Variants in TP53BP1 observed in about 807,000 individuals in gnomAD.
TP53BP1 encodes tumor protein p53 binding protein 1.
In TP53BP1, 61 loss-of-function variants were observed where a neutral mutation model predicts 200.8. That is an observed-to-expected ratio of 0.30 (90% confidence interval 0.25 to 0.38). The LOEUF is 0.38. Ranked by LOEUF, TP53BP1 falls within the 10% of genes least tolerant of loss-of-function variation. The probability of loss-of-function intolerance (pLI) is 1.00; values close to 1 mark genes in which losing one functional copy is unlikely to be tolerated. For missense variants in TP53BP1, 2,144 were observed against 2,371.9 expected (o/e 0.90, Z 2.00); for synonymous variants, 822 against 844.3 (o/e 0.97, Z 0.46).
rs918932177 is a variant in TP53BP1, at chr15:43,492,024, A to G, written c.264T>C (p.His88=). 1.2e-5 allele frequency: 20 copies of G among 1,613,810 alleles called. No individual in the cohort carries two copies. In the Admixed American group the frequency reaches 3.0e-4, roughly 24 times the overall value. Residue 88 remains histidine, a synonymous_variant, in exon 3 of 28, where the codon CAT becomes CAC. Transcript: ENST00000382044. ...RGDGNSGFNE[H]LKENKVADPV... ...CACCTGCAACCTTGTTTTCTTTCAA[A>G]TGTTCATTGAACCCACTATTACCGT...
chr15:43,431,819 T>C (rs971892517), intron 17 of TP53BP1, among the ~76,000 whole-genome samples: 1 of 152,084 alleles, frequency 6.6e-6, no homozygotes, highest in Non-Finnish European at 1.5e-5. Flanking sequence ...AGAACCATGA[T>C]GAAATAGACT....
In TP53BP1 at chr15:43,415,775, A is replaced by G. The variant is rs746192779; in HGVS notation, c.4908T>C (p.Ser1636=). 6.2e-6 allele frequency: 10 copies of G among 1,614,090 alleles called. 1 individual carries two copies. The South Asian group carries it at 1.1e-4, about 18-fold the overall frequency. Residue 1636 remains serine (S), a synonymous_variant, in exon 23 of 28, where the codon AGT becomes AGC. Coordinates refer to ENST00000382044, the MANE Select transcript of TP53BP1 (RefSeq NM_001141980.3). ...NLVEGKRKRR[S]NVSSPATPTA... ...TAGGGGTGGCTGGGGAGCTGACGTT[A>G]CTGCGCCGTTTCCGCTTCCCTTCCA...
intron 24 of TP53BP1, 135 bp downstream of exon 24, chr15:43,412,984 T>C (rs1190196275): frequency 2.0e-5 from 16 of 782,756 alleles, no homozygotes; most frequent in Non-Finnish European, 3.1e-5. Flanking sequence ...TACAGAGTAA[T>C]TTCTGTGACC....
intron 24 of TP53BP1, among the ~76,000 whole-genome samples, chr15:43,411,856 C>A (rs1441179212): frequency 6.6e-6 from 1 of 152,112 alleles, no homozygotes; most frequent in African/African-American, 2.4e-5. Context: ...CTGAACCAAG[C>A]AACAAACAAA....
At chr15:43,487,972 T>C (rs1164070269) in intron 4 of TP53BP1, among the ~76,000 whole-genome samples, 1 of 152,016 alleles carries the variant, frequency 6.6e-6, no homozygotes, top group Non-Finnish European at 1.5e-5. Context: ...TGCAAAAACA[T>C]GGATGGAGCC....
chr15:43,499,806 G>A (rs1426136018), intron 1 of TP53BP1, among the ~76,000 whole-genome samples: 2 of 152,242 alleles, frequency 1.3e-5, no homozygotes, highest in South Asian at 2.1e-4. Flanking sequence ...TGGTGGTGGT[G>A]GAGAGAGAGC....
chr15:43,413,781 C>G (rs2045193155), intron 23 of TP53BP1, among the ~76,000 whole-genome samples: 1 of 150,204 alleles, frequency 6.7e-6, no homozygotes, highest in Non-Finnish European at 1.5e-5. Context: ...TTGAAGCAGC[C>G]TTTGGAAAAA....
At position 43,407,306 on chromosome 15, in the gene TP53BP1, C is replaced by A; in HGVS notation, c.*77G>T. The A allele has an allele frequency of 7.7e-7, 1 of 1,302,542 alleles. No individual in the cohort carries two copies. The highest frequency in any genetic ancestry group is 1.3e-5 in the South Asian group (1 of 76,102). 80.7% of individuals were successfully genotyped at this position (1,302,542 alleles called of 1,614,324 possible). ...GATCCATGCAAGGAATCCAGTTACA[C>A]ACAAGACACATTTAAAACCTGGTTA... On this transcript the variant is annotated 3_prime_UTR_variant, in exon 28 of 28. Transcript: ENST00000382044.
intron 1 of TP53BP1, among the ~76,000 whole-genome samples, chr15:43,502,181 A>G (rs2079212602): frequency 1.3e-5 from 2 of 152,136 alleles, no homozygotes; most frequent in South Asian, 2.1e-4. Flanking sequence ...AAATTAGTCA[A>G]GCATGGTGGC....
Position 43,446,788 on chromosome 15 carries a change from G to C in TP53BP1, c.2837-198C>G, listed in dbSNP as rs2046051874. 7.3e-6 allele frequency: 11 copies of C among 1,508,974 alleles called. No homozygotes were observed. In the South Asian group the frequency reaches 1.2e-4, roughly 17 times the overall value. The allele number at this position is 1,508,974 out of a possible 1,614,324, so 93.5% of individuals were successfully genotyped here. Reference sequence around the variant, plus strand: ...CACCTGGTCTTAAGAGGAGCAACAGGATTCAGTTCCACTTCTGCATCTGGA... The same window carrying C: ...CACCTGGTCTTAAGAGGAGCAACAGCATTCAGTTCCACTTCTGCATCTGGA... On this transcript the variant is annotated intron_variant, in intron 13 of 27. Transcript: ENST00000382044.
chr15:43,437,593 T>A (rs989556779), intron 16 of TP53BP1, among the ~76,000 whole-genome samples: 2 of 152,136 alleles, frequency 1.3e-5, no homozygotes, highest in Admixed American at 1.3e-4. Flanking sequence ...CCAGCCTGGG[T>A]GACAGAGTGA....
At chr15:43,442,817 T>G (rs1266135830) in intron 14 of TP53BP1, among the ~76,000 whole-genome samples, 1 of 68,710 alleles carries the variant, frequency 1.5e-5, no homozygotes, top group Non-Finnish European at 2.6e-5. Flanking sequence ...GTAATATTCT[T>G]TTTTTTTTTT....
At chr15:43,485,472 G>A (rs1384842932) in intron 4 of TP53BP1, among the ~76,000 whole-genome samples, 1 of 149,756 alleles carries the variant, frequency 6.7e-6, no homozygotes, top group East Asian at 2.0e-4. Context: ...AGCTACTTGG[G>A]AGGCTGAGGC....
At position 43,404,356 on chromosome 15, in the gene TP53BP1, C is replaced by A; in HGVS notation, c.*3027G>T. On this transcript the variant is annotated 3_prime_UTR_variant, in exon 28 of 28. Coordinates refer to ENST00000382044, the MANE Select transcript of TP53BP1 (RefSeq NM_001141980.3). ...AAACTCCTCCCTCCGCCCCCATCCTCCATATGGAGAGTTGGTGAGCTGAAG... is the reference window on the plus strand; with the variant it reads ...AAACTCCTCCCTCCGCCCCCATCCTACATATGGAGAGTTGGTGAGCTGAAG... The A allele has an allele frequency of 6.2e-7, 1 of 1,607,420 alleles. No homozygotes were observed. Among genetic ancestry groups the A allele is most frequent in the Non-Finnish European group, 8.5e-7 (1 of 1,175,994 alleles).
chr15:43,450,471 A>G (rs2046140858), intron 12 of TP53BP1, among the ~76,000 whole-genome samples: 1 of 152,246 alleles, frequency 6.6e-6, no homozygotes, highest in Non-Finnish European at 1.5e-5. Context: ...GTAAGCAAAT[A>G]AAGGTTATAG....
chr15:43,470,430 T>A (rs1008243496), intron 10 of TP53BP1, among the ~76,000 whole-genome samples: 2 of 152,226 alleles, frequency 1.3e-5, no homozygotes, highest in Non-Finnish European at 2.9e-5. Flanking sequence ...TTAACCATCA[T>A]ATATTCTACC....
At chr15:43,502,020 T>G (rs2079211744) in intron 1 of TP53BP1, among the ~76,000 whole-genome samples, 1 of 152,162 alleles carries the variant, frequency 6.6e-6, no homozygotes, top group African/African-American at 2.4e-5. Flanking sequence ...CCAAAAACAG[T>G]TTTTGAAAAT....
At chr15:43,457,346 A>G (rs2046324917) in intron 11 of TP53BP1, 128 bp from the exon 12 acceptor site, 1 of 911,776 alleles carries the variant, frequency 1.1e-6, no homozygotes, top group East Asian at 2.8e-5. Context: ...TTCATATAAA[A>G]TTTCTAAATC....
At chr15:43,504,178 C>G (rs1209544357) in intron 1 of TP53BP1, among the ~76,000 whole-genome samples, 1 of 152,184 alleles carries the variant, frequency 6.6e-6, no homozygotes, top group Non-Finnish European at 1.5e-5. Flanking sequence ...GAGTCTTGCT[C>G]TGTTGCCCAA....
Sources: gnomAD v4.1 joint callset for allele counts (sites outside exome capture counted in the v4.1 genomes callset) on GRCh38, gnomAD v4.1.1 for gene constraint, MANE v1.5 for transcripts, NCBI Gene and HGNC (gene_info 2026-07-23, HGNC 2026-07-21) for gene names.